Variants in FYB2 observed in about 807,000 individuals in gnomAD.
FYB2 encodes FYN-binding protein 2.
Under a neutral mutation model 94.1 loss-of-function variants are expected in FYB2, and 103 were observed. That is an observed-to-expected ratio of 1.09 (90% CI 0.93 to 1.29). FYB2 has a LOEUF of 1.29. Among genes scored for constraint, FYB2 ranks in the 50% most tolerant of loss-of-function variants. The pLI, the probability that FYB2 is intolerant of heterozygous loss-of-function variation, is 0.00. For missense variants in FYB2, 896 were observed against 841.5 expected, an observed-to-expected ratio of 1.06 and a Z score of -0.80; for synonymous variants, 293 against 287.9, an observed-to-expected ratio of 1.02 and a Z score of -0.18.
intron 1 of FYB2, among the ~76,000 whole-genome samples, chr1:56,798,607 C>A (rs1389797121): frequency 6.6e-6 from 1 of 151,994 alleles, no homozygotes; most frequent in Non-Finnish European, 1.5e-5. Flanking sequence ...CAAACAGATG[C>A]CTTTTATTCA....
chr1:56,755,375 A>T (rs1645302738), intron 7 of FYB2, among the ~76,000 whole-genome samples: 1 of 152,062 alleles, frequency 6.6e-6, no homozygotes, highest in African/African-American at 2.4e-5. Context: ...CACTTCTCTC[A>T]GGGAGTGGAA....
intron 9 of FYB2, among the ~76,000 whole-genome samples, chr1:56,744,526 AG>A (rs1461885642): frequency 6.6e-6 from 1 of 151,984 alleles, no homozygotes; most frequent in Non-Finnish European, 1.5e-5. Context: ...ATATTTATGA[AG>A]GGTGCTGGTT....
At chr1:56,719,806 A>C in intron 19 of FYB2, 114 bp from the exon 20 acceptor site, 4 of 1,141,332 alleles carry the variant, frequency 3.5e-6, no homozygotes. Context: ...TTCTTTTAAA[A>C]TGTTTATAAA....
At chr1:56,757,691 T>TTCCTTCCTTCC (rs1557616923) in intron 6 of FYB2, among the ~76,000 whole-genome samples, 118 of 70,118 alleles carry the variant, frequency 1.7e-3, no homozygotes, top group Admixed American at 2.0e-3. Context: ...TCCTTCCTTC[T>TTCCTTCCTTCC]TTCTTTCTTT....
intron 5 of FYB2, among the ~76,000 whole-genome samples, chr1:56,759,347 C>T (rs1218536120): frequency 2.0e-5 from 3 of 152,102 alleles, no homozygotes; most frequent in Non-Finnish European, 2.9e-5. Flanking sequence ...TTCATCATCA[C>T]GTGAATACCA....
rs367773954 is a variant in FYB2, at chr1:56,792,436, G to C, written c.377C>G (p.Thr126Ser). The C allele has an allele frequency of 5.7e-5, 92 of 1,614,038 alleles. No homozygotes were observed. Among genetic ancestry groups the C allele is most frequent in the Non-Finnish European group, 7.7e-5 (91 of 1,180,036 alleles). Residue 126 changes from threonine (T) to serine (S), a missense_variant, in exon 2 of 20, where the codon ACT becomes AGT. Thr to Ser is a moderately conservative substitution (Grantham distance 58, BLOSUM62 1). Coordinates refer to ENST00000343433, the MANE Select transcript of FYB2 (RefSeq NM_001004303.5). ...EVTQSNVEII[T>S]KEKVMVANSF... ...ATTGGCCACCATTACTTTTTCCTTA[G>C]TGATTATCTCAACATTTGATTGAGT... is the stretch of plus-strand genomic sequence containing the variant.
chr1:56,811,842 T>C (rs1646775946), intron 1 of FYB2, among the ~76,000 whole-genome samples: 1 of 152,226 alleles, frequency 6.6e-6, no homozygotes, highest in African/African-American at 2.4e-5. Flanking sequence ...AGGTGGTTCT[T>C]CCCTGTTAAT....
At chr1:56,789,277 A>G (rs1264821720) in intron 2 of FYB2, 143 bp from the exon 3 acceptor site, 14 of 910,768 alleles carry the variant, frequency 1.5e-5, no homozygotes, top group Non-Finnish European at 2.3e-5. Flanking sequence ...CAATACATAA[A>G]CCTGATCAGT....
At chr1:56,807,438 T>C (rs1000055927) in intron 1 of FYB2, among the ~76,000 whole-genome samples, 1 of 152,242 alleles carries the variant, frequency 6.6e-6, no homozygotes, top group African/African-American at 2.4e-5. Context: ...TAGATGTTTT[T>C]GCTTTTTAAA....
intron 4 of FYB2, among the ~76,000 whole-genome samples, chr1:56,775,431 A>G (rs77213882): frequency 0.013 from 1,997 of 152,284 alleles, 17 homozygotes; most frequent in Middle Eastern, 0.02. Context: ...CAAACCATTG[A>G]TCTCATTCAT....
At chr1:56,798,761 A>G (rs1011845258) in intron 1 of FYB2, among the ~76,000 whole-genome samples, 11 of 152,186 alleles carry the variant, frequency 7.2e-5, no homozygotes, top group Admixed American at 7.2e-4. Context: ...TTCTCAGGTT[A>G]CAGACAAGGA....
chr1:56,722,644 A>G (rs1279659971), intron 17 of FYB2, among the ~76,000 whole-genome samples: 1 of 152,008 alleles, frequency 6.6e-6, no homozygotes, highest in Non-Finnish European at 1.5e-5. Flanking sequence ...CAAGACAAAG[A>G]TAGAGGTGGA....
intron 1 of FYB2, among the ~76,000 whole-genome samples, chr1:56,811,114 G>A (rs990566885): frequency 1.3e-5 from 2 of 152,022 alleles, no homozygotes; most frequent in African/African-American, 4.8e-5. Context: ...CTCTAGGGGA[G>A]GGACCGTCAT....
intron 1 of FYB2, among the ~76,000 whole-genome samples, chr1:56,817,805 T>C (rs1397465620): frequency 6.6e-6 from 1 of 152,186 alleles, no homozygotes; most frequent in African/African-American, 2.4e-5. Flanking sequence ...ACAAACATGC[T>C]CTTTTGTACA....
In FYB2 at chr1:56,736,220, A is replaced by G. The variant is rs562241477; in HGVS notation, c.1793+867T>C. 3.3e-5 allele frequency among the ~76,000 whole-genome samples: 5 copies of G among 152,256 alleles called. No homozygotes were observed. In the East Asian group the frequency reaches 9.7e-4, roughly 29 times the overall value. ...ATATAGAGAAGACAAATAAAGGCTT[A>G]AAAGTATCTGTTGGATTTAACAAAG... On this transcript the variant is annotated intron_variant, in intron 15 of 19. Coordinates refer to ENST00000343433, the MANE Select transcript of FYB2 (RefSeq NM_001004303.5).
At chr1:56,817,086 A>G (rs780456296) in intron 1 of FYB2, among the ~76,000 whole-genome samples, 4 of 152,122 alleles carry the variant, frequency 2.6e-5, no homozygotes, top group Non-Finnish European at 5.9e-5. Context: ...ATCCTTTTAA[A>G]ATGTAAGCTG....
chr1:56,813,485 T>G (rs191188614), intron 1 of FYB2, among the ~76,000 whole-genome samples: 3 of 152,318 alleles, frequency 2.0e-5, no homozygotes, highest in Admixed American at 2.0e-4. Context: ...AATTACCTCC[T>G]GCCAGGTCCC....
chr1:56,789,082 G>A lies in FYB2; in HGVS notation c.810C>T (p.Pro270=). The change falls in exon 3 of 20, where the codon CCC becomes CCT. Residue 270 remains proline, a synonymous_variant. Coordinates refer to ENST00000343433, the MANE Select transcript of FYB2 (RefSeq NM_001004303.5). Reference sequence around the variant, plus strand: ...GAGGAGGACCCAGGGAGTCGATGGAGGGCAATGGCTTTGTTTTGGGAAGGT... The same window carrying A: ...GAGGAGGACCCAGGGAGTCGATGGAAGGCAATGGCTTTGTTTTGGGAAGGT... ...HHHLPKTKPL[P]SIDSLGPPPP... The A allele has an allele frequency of 6.2e-7, 1 of 1,612,284 alleles. No homozygotes were observed. The highest frequency in any genetic ancestry group is 1.7e-4 in the Middle Eastern group (1 of 6,038).
chr1:56,720,042 G>A lies in FYB2; in HGVS notation c.2145C>T (p.Leu715=), dbSNP rs758353226. The change falls in exon 19 of 20, where the codon CTC becomes CTT. Residue 715 remains leucine (L), a synonymous_variant. Transcript: ENST00000343433. ...RNSKGKYGYV[L]IEHLDFKHQS... ...CTTACTTGAAATCTAGATGTTCAAT[G>A]AGCACATATCCATCTAATAGAAACA... 1.2e-6 allele frequency: 2 copies of A among 1,602,420 alleles called. No homozygotes were observed. The highest frequency in any genetic ancestry group is 2.3e-5 in the South Asian group (2 of 88,346).
Sources: allele counts gnomAD v4.1 joint callset (sites outside exome capture counted in the v4.1 genomes callset), GRCh38; gene constraint gnomAD v4.1.1; transcripts MANE v1.5; gene names NCBI Gene and HGNC (gene_info 2026-07-23, HGNC 2026-07-21).